The following PCDH7 variants were observed in gnomAD, a reference collection of about 807,000 sequenced individuals.
The protein encoded by PCDH7 is protocadherin 7.
A neutral mutation model predicts 58.9 loss-of-function variants in PCDH7; 17 were observed. That is an observed-to-expected ratio of 0.29 (90% CI 0.20 to 0.43). The LOEUF is 0.43. PCDH7 is among the 20% of genes least tolerant of loss of function. PCDH7 has a pLI of 1.00. For missense variants in PCDH7, 1,274 were observed against 1,441.0 expected, an observed-to-expected ratio of 0.88 and a Z score of 1.88; for synonymous variants, 664 against 616.4, an observed-to-expected ratio of 1.08 and a Z score of -1.14.
intron 1 of PCDH7, among the ~76,000 whole-genome samples, chr4:30,828,791 T>C (rs989769010): frequency 2.0e-5 from 3 of 152,086 alleles, no homozygotes; most frequent in African/African-American, 7.2e-5. Flanking sequence ...GTTTGTCATT[T>C]ATAAGACTCT....
chr4:30,864,432 AACACACACACACAC>A (rs5857208), intron 1 of PCDH7, among the ~76,000 whole-genome samples: 1,665 of 146,672 alleles, frequency 0.011, 21 homozygotes, highest in Non-Finnish European at 0.016. Flanking sequence ...ATTATTGGAG[AACACACACACACAC>A]ACACACACAC....
At chr4:30,849,135 A>C (rs989771061) in intron 1 of PCDH7, among the ~76,000 whole-genome samples, 1 of 152,102 alleles carries the variant, frequency 6.6e-6, no homozygotes, top group African/African-American at 2.4e-5. Context: ...TTTATGATTT[A>C]AATGTCAGTA....
At position 30,722,333 on chromosome 4, in the gene PCDH7, A is replaced by G. The variant is rs756824608; in HGVS notation, c.911A>G (p.Asn304Ser). 1 of 1,611,300 alleles carries G rather than the reference A, an allele frequency of 6.2e-7. No homozygotes were observed. Among genetic ancestry groups the G allele is most frequent in the Non-Finnish European group, 8.5e-7 (1 of 1,179,442 alleles). Residue 304 changes from asparagine (N) to serine (S), a missense_variant, in exon 1 of 2, where the codon AAC becomes AGC. Asn to Ser is a conservative substitution (Grantham distance 46). Transcript: ENST00000361762. This position sits in a 1 kb window ranked among gnomAD's most constrained non-coding sequence, Gnocchi z 7.6. ...GTCCTCATCACCGACGTGAACGACA[A>G]CAGCCCCCGCTTCGAGAAGAGCGTG...
chr4:30,987,204 A>G (rs1336368294), intron 3 of PCDH7, among the ~76,000 whole-genome samples: 15 of 152,142 alleles, frequency 9.9e-5, no homozygotes, highest in Admixed American at 9.8e-4. Context: ...AACAACAACA[A>G]AAACAAAACT....
intron 3 of PCDH7, among the ~76,000 whole-genome samples, chr4:30,996,627 C>T (rs753561559): frequency 1.8e-4 from 27 of 152,170 alleles, no homozygotes; most frequent in Non-Finnish European, 3.5e-4. Context: ...ATGTGGCAGA[C>T]ATTCACTAAC....
intron 1 of PCDH7, among the ~76,000 whole-genome samples, chr4:30,770,701 G>T (rs988126791): frequency 2.0e-5 from 3 of 152,010 alleles, no homozygotes; most frequent in Non-Finnish European, 4.4e-5. Flanking sequence ...AAGTACATAG[G>T]AATGAAATGC....
At chr4:31,067,528 G>A (rs929825406) in intron 3 of PCDH7, among the ~76,000 whole-genome samples, 8 of 151,958 alleles carry the variant, frequency 5.3e-5, no homozygotes, top group South Asian at 2.1e-4. Flanking sequence ...ATAGGTGATC[G>A]TACTTAGCAT....
At chr4:31,063,938 C>A (rs865865584) in intron 3 of PCDH7, among the ~76,000 whole-genome samples, 1 of 151,926 alleles carries the variant, frequency 6.6e-6, no homozygotes, top group Admixed American at 6.6e-5. Context: ...CTGGAGAAGA[C>A]AGTCAACCCA....
chr4:31,083,377 A>G (rs1385319660), intron 3 of PCDH7, among the ~76,000 whole-genome samples: 1 of 152,146 alleles, frequency 6.6e-6, no homozygotes, highest in Non-Finnish European at 1.5e-5. Flanking sequence ...AAATATAGGT[A>G]TGAACTATAA....
At chr4:31,122,820 G>A (rs1717851975) in intron 3 of PCDH7, among the ~76,000 whole-genome samples, 1 of 151,638 alleles carries the variant, frequency 6.6e-6, no homozygotes, top group South Asian at 2.1e-4. Flanking sequence ...TTCTTTGGGG[G>A]AAATGAGAGA....
intron 1 of PCDH7, among the ~76,000 whole-genome samples, chr4:30,753,485 A>G (rs905859676): frequency 2.0e-5 from 3 of 152,208 alleles, no homozygotes; most frequent in Non-Finnish European, 2.9e-5. Context: ...GGCAAAAATG[A>G]GTCATTTCTT....
In PCDH7 at chr4:30,723,911, C is replaced by T. The variant is rs1577536404; in HGVS notation, c.2489C>T (p.Ser830Phe). ...AATGACAGTGGGCAGCCTTCCCAGT[C>T]CACCACGACTCTGGTGCACGTGTTT... Residue 830 changes from serine to phenylalanine, a missense_variant, in exon 1 of 2, where the codon TCC (serine) becomes TTC (phenylalanine). Physicochemically the swap from Ser to Phe is radical, Grantham distance 155. This residue lies in a region of PCDH7 where 731 missense variants were observed against 881.9 expected (regional missense o/e 0.83). Coordinates refer to ENST00000361762, the Ensembl canonical transcript of PCDH7. The surrounding 1 kb of genome is among the most constrained non-coding windows in gnomAD (Gnocchi z 4.6). 6.2e-7 allele frequency: 1 copy of T among 1,613,930 alleles called. No homozygotes were observed. Among genetic ancestry groups the T allele is most frequent in the East Asian group, 2.2e-5 (1 of 44,864 alleles).
chr4:30,942,858 C>T (rs1473029551), intron 2 of PCDH7, among the ~76,000 whole-genome samples: 1 of 149,936 alleles, frequency 6.7e-6, no homozygotes, highest in African/African-American at 2.4e-5. Flanking sequence ...CCTACCTAAG[C>T]AATGGAAGAG....
At chr4:30,759,531 C>G (rs574895451) in intron 1 of PCDH7, among the ~76,000 whole-genome samples, 3 of 151,980 alleles carry the variant, frequency 2.0e-5, no homozygotes, top group Non-Finnish European at 4.4e-5. Context: ...TTCATATTTT[C>G]TAGGAAGAGT....
chr4:30,732,825 C>G (rs921939625), exon 2 of PCDH7: 2 of 152,162 alleles, frequency 1.3e-5, no homozygotes, highest in Non-Finnish European at 2.9e-5. Flanking sequence ...AATGCTGACA[C>G]TCTCAAGGAT....
At chr4:30,824,137 TTC>T (rs1263988561) in intron 1 of PCDH7, among the ~76,000 whole-genome samples, 7 of 147,102 alleles carry the variant, frequency 4.8e-5, no homozygotes, top group Non-Finnish European at 9.0e-5. Flanking sequence ...CTTTCTTTCT[TTC>T]TTTCTTTCTT....
intron 1 of PCDH7, among the ~76,000 whole-genome samples, chr4:30,754,493 T>C (rs1719012131): frequency 6.6e-6 from 1 of 152,146 alleles, no homozygotes; most frequent in Non-Finnish European, 1.5e-5. Flanking sequence ...GGTCCTAAAT[T>C]GTAAGTCCTT....
chr4:31,018,243 A>G (rs1753767642), intron 3 of PCDH7, among the ~76,000 whole-genome samples: 1 of 152,118 alleles, frequency 6.6e-6, no homozygotes, highest in Non-Finnish European at 1.5e-5. Context: ...TCTCATTTTT[A>G]TTTTTAGTTC....
At chr4:30,895,934 C>CTT (rs781541638) in intron 1 of PCDH7, among the ~76,000 whole-genome samples, 1 of 152,152 alleles carries the variant, frequency 6.6e-6, no homozygotes, top group Non-Finnish European at 1.5e-5. Flanking sequence ...TCTATTGATG[C>CTT]TTTACTTCTT....
Sources: gnomAD v4.1 joint callset for allele counts (sites outside exome capture counted in the v4.1 genomes callset) on GRCh38, gnomAD v4.1.1 for gene constraint, gnomAD v4.1.1 regional missense constraint, Gnocchi (gnomAD v3.1) non-coding constraint, MANE v1.5 for transcripts, NCBI Gene and HGNC (gene_info 2026-07-23, HGNC 2026-07-21) for gene names.